The following KLHL24 variants were observed in gnomAD, a reference collection of about 807,000 sequenced individuals.
KLHL24 encodes kelch like family member 24, also known as kelch-like protein 24.
In KLHL24, 29 loss-of-function variants were observed where a neutral mutation model predicts 53.4. The observed-to-expected ratio is 0.54, with a 90% CI of 0.40 to 0.74. The LOEUF (loss-of-function observed/expected upper bound fraction) is 0.74, where lower values mean the gene tolerates loss of function less well. KLHL24 is among the 30% of genes least tolerant of loss of function. The pLI, the probability that KLHL24 is intolerant of heterozygous loss-of-function variation, is 0.00. For synonymous variants in KLHL24, 222 were observed against 253.7 expected, an observed-to-expected ratio of 0.88 and a Z score of 1.19; for missense variants, 504 against 744.0, an observed-to-expected ratio of 0.68 and a Z score of 3.75.
intron 3 of KLHL24, among the ~76,000 whole-genome samples, chr3:183,658,485 G>A (rs908886240): frequency 6.6e-6 from 1 of 151,940 alleles, no homozygotes; most frequent in Non-Finnish European, 1.5e-5. Context: ...GGATATTTAG[G>A]TTGCTTCTAA....
chr3:183,646,361 CAAAAAAAAAAAA>C (rs35945634), intron 2 of KLHL24, among the ~76,000 whole-genome samples: 3 of 66,744 alleles, frequency 4.5e-5, no homozygotes, highest in Non-Finnish European at 9.3e-5. Flanking sequence ...GACTCCATCT[CAAAAAAAAAAAA>C]AAAAAAAAAA....
chr3:183,670,517 T>G (rs564777984), intron 5 of KLHL24, among the ~76,000 whole-genome samples: 95 of 152,224 alleles, frequency 6.2e-4, no homozygotes, highest in Non-Finnish European at 3.8e-4. Flanking sequence ...CTAGGTATTG[T>G]ACGGACTAAA....
At chr3:183,661,857 T>C (rs184472780) in intron 3 of KLHL24, among the ~76,000 whole-genome samples, 1 of 152,214 alleles carries the variant, frequency 6.6e-6, no homozygotes, top group African/African-American at 2.4e-5. Context: ...TTAACTTCAG[T>C]GACTAGCAGT....
At chr3:183,670,191 G>A (rs923735372) in intron 5 of KLHL24, among the ~76,000 whole-genome samples, 2 of 152,146 alleles carry the variant, frequency 1.3e-5, no homozygotes, top group Non-Finnish European at 2.9e-5. Flanking sequence ...CTTGAACCTC[G>A]GAGGTTGAGG....
chr3:183,672,692 C>A (rs910247141), intron 7 of KLHL24: 3 of 291,172 alleles, frequency 1.0e-5, no homozygotes, highest in Admixed American at 4.8e-5. Flanking sequence ...TGGTGAAACC[C>A]CGTCTCTACT....
At chr3:183,638,765 G>A (rs1477542869) in intron 1 of KLHL24, among the ~76,000 whole-genome samples, 1 of 152,038 alleles carries the variant, frequency 6.6e-6, no homozygotes, top group Non-Finnish European at 1.5e-5. Flanking sequence ...GTGAGACCCT[G>A]TCTCAAAAAA....
intron 3 of KLHL24, among the ~76,000 whole-genome samples, chr3:183,657,089 T>C (rs1251316362): frequency 7.1e-6 from 1 of 141,528 alleles, no homozygotes; most frequent in Admixed American, 7.0e-5. Context: ...TGCTGCTGCT[T>C]TTGCATCCTG....
chr3:183,677,007 C>T (rs767436297), intron 7 of KLHL24, among the ~76,000 whole-genome samples: 12 of 151,282 alleles, frequency 7.9e-5, no homozygotes, highest in South Asian at 2.1e-4. Context: ...ATTGTTCCTA[C>T]TAGCTGCCCT....
chr3:183,650,608 C>G lies in KLHL24; in HGVS notation c.252C>G (p.Leu84=). ...AATTTCCTTGCCATAGAGCTGTGCTCTCAGCCTGTAGCAGCTACTTCAGAG... is the reference window on the plus strand; with the variant it reads ...AATTTCCTTGCCATAGAGCTGTGCTGTCAGCCTGTAGCAGCTACTTCAGAG... ...GKEFPCHRAV[L]SACSSYFRAM... The change falls in exon 3 of 8, where the codon CTC becomes CTG. Residue 84 remains leucine, a synonymous_variant. Transcript: ENST00000242810. The surrounding 1 kb of genome is among the most constrained non-coding windows in gnomAD (Gnocchi z 4.5). 17 of 1,614,178 alleles carry G rather than the reference C, an allele frequency of 1.1e-5. No homozygotes were observed. The highest frequency in any genetic ancestry group is 1.4e-5 in the Non-Finnish European group (17 of 1,180,028).
At chr3:183,675,814 T>A (rs1711743482) in intron 7 of KLHL24, among the ~76,000 whole-genome samples, 1 of 151,988 alleles carries the variant, frequency 6.6e-6, no homozygotes. Flanking sequence ...AGAATTACCA[T>A]TTATTCGGAA....
intron 3 of KLHL24, among the ~76,000 whole-genome samples, chr3:183,661,164 A>T (rs905166356): frequency 8.0e-6 from 1 of 125,450 alleles, no homozygotes; most frequent in African/African-American, 3.3e-5. Context: ...TTCAGCCAGG[A>T]GTTGGAGTTG....
chr3:183,675,258 A>C (rs992729514), intron 7 of KLHL24, among the ~76,000 whole-genome samples: 1 of 152,204 alleles, frequency 6.6e-6, no homozygotes, highest in Non-Finnish European at 1.5e-5. Flanking sequence ...AAGGATAGTG[A>C]ATAGGGTTTG....
intron 2 of KLHL24, among the ~76,000 whole-genome samples, chr3:183,648,166 GAA>G (rs1717594235): frequency 6.6e-6 from 1 of 152,128 alleles, no homozygotes. Context: ...TTCAGTGAGA[GAA>G]TTCATGAAAA....
intron 3 of KLHL24, among the ~76,000 whole-genome samples, chr3:183,655,935 AATTATT>A (rs560694049): frequency 6.6e-6 from 1 of 151,970 alleles, no homozygotes; most frequent in Admixed American, 6.6e-5. Context: ...TTTAAAAAAA[AATTATT>A]ATTAATTAAA....
chr3:183,664,029 T>C (rs1200205202), intron 4 of KLHL24: 1 of 152,272 alleles, frequency 6.6e-6, no homozygotes, highest in Non-Finnish European at 1.5e-5. Context: ...GAGGCGGAGA[T>C]TGCAGTAAGC....
At chr3:183,642,581 A>G (rs1434034227) in intron 1 of KLHL24, among the ~76,000 whole-genome samples, 3 of 135,908 alleles carry the variant, frequency 2.2e-5, no homozygotes, top group African/African-American at 5.9e-5. Flanking sequence ...TCTCTTAAGC[A>G]TTCCTCTTCT....
At chr3:183,667,341 G>C (rs1379038504) in intron 5 of KLHL24, among the ~76,000 whole-genome samples, 1 of 152,190 alleles carries the variant, frequency 6.6e-6, no homozygotes, top group Admixed American at 6.5e-5. Flanking sequence ...GCTTCTGGCG[G>C]AGTTTGCAGT....
At chr3:183,670,135 C>G (rs773132782) in intron 5 of KLHL24, among the ~76,000 whole-genome samples, 2 of 151,994 alleles carry the variant, frequency 1.3e-5, no homozygotes, top group Non-Finnish European at 2.9e-5. Flanking sequence ...TGTGGTGATA[C>G]ACACCTGTGG....
intron 5 of KLHL24, among the ~76,000 whole-genome samples, chr3:183,668,879 A>G (rs1720942695): frequency 6.6e-6 from 1 of 151,932 alleles, no homozygotes; most frequent in Non-Finnish European, 1.5e-5. Flanking sequence ...GCCCGGTGAC[A>G]GAGTGAGACT....
Sources: allele counts gnomAD v4.1 joint callset (sites outside exome capture counted in the v4.1 genomes callset), GRCh38; gene constraint gnomAD v4.1.1; non-coding constraint Gnocchi (gnomAD v3.1); transcripts MANE v1.5; gene names NCBI Gene and HGNC (gene_info 2026-07-23, HGNC 2026-07-21).